PROX1: variants seen among roughly 807,000 people sequenced by gnomAD.
PROX1 encodes the protein prospero homeobox protein 1.
In PROX1, 7 loss-of-function variants were observed where a neutral mutation model predicts 58.8. The ratio of observed to expected loss-of-function variants is 0.12; its 90% CI spans 0.07 to 0.22. The LOEUF is 0.22. Among genes scored for constraint, PROX1 ranks in the 10% least tolerant of loss-of-function variants. PROX1 has a pLI of 1.00. For missense variants in PROX1, 675 were observed against 927.8 expected (o/e 0.73, Z 3.54); for synonymous variants, 350 against 358.3 (o/e 0.98, Z 0.26).
intron 4 of PROX1, among the ~76,000 whole-genome samples, chr1:214,017,776 C>T (rs1342887697): frequency 6.6e-6 from 1 of 152,136 alleles, no homozygotes; most frequent in African/African-American, 2.4e-5. Flanking sequence ...GGCTGTGGTG[C>T]TGGGACAGTG....
At chr1:214,015,647 A>C (rs1664068283) in intron 4 of PROX1, among the ~76,000 whole-genome samples, 1 of 152,086 alleles carries the variant, frequency 6.6e-6, no homozygotes, top group Admixed American at 6.5e-5. Flanking sequence ...GTAACTCACA[A>C]AGGTTAATTG....
At chr1:214,031,846 G>T (rs1243783049) in intron 4 of PROX1, among the ~76,000 whole-genome samples, 1 of 152,132 alleles carries the variant, frequency 6.6e-6, no homozygotes, top group Non-Finnish European at 1.5e-5. Flanking sequence ...ATGTTTCTAT[G>T]TGTGGATGAA....
At chr1:214,001,842 A>C (rs1663523585) in intron 2 of PROX1, among the ~76,000 whole-genome samples, 2 of 151,754 alleles carry the variant, frequency 1.3e-5, no homozygotes, top group Admixed American at 6.6e-5. Flanking sequence ...CCTCCCCTGA[A>C]AAAAATTATA....
At position 214,010,977 on chromosome 1, in the gene PROX1, A is replaced by G. The variant is rs981383819; in HGVS notation, c.1834-544A>G. On this transcript the variant is annotated intron_variant, in intron 3 of 4. Coordinates refer to ENST00000366958, the MANE Select transcript of PROX1 (RefSeq NM_001270616.2). ...TCACAGTTGGATGGACATGGGAATC[A>G]CTCATTGCCAAAAAAATAAGCAAAT... 2.0e-5 allele frequency among the ~76,000 whole-genome samples: 3 copies of G among 152,106 alleles called. No homozygotes were observed. In the South Asian group the frequency reaches 6.2e-4, roughly 31 times the overall value.
chr1:213,997,262 C>A lies in PROX1; in HGVS notation c.727C>A (p.Leu243Met). ...GGAGCGCCGACAGCTGAAACAGCAGCTGGAGGACATGCAGAAACAGCTGCG... is the reference window on the plus strand; with the variant it reads ...GGAGCGCCGACAGCTGAAACAGCAGATGGAGGACATGCAGAAACAGCTGCG... Reference protein sequence around the residue: ...REERRQLKQQLEDMQKQLRQL... With the variant: ...REERRQLKQQMEDMQKQLRQL... Residue 243 changes from leucine (L) to methionine (M), a missense_variant, in exon 2 of 5, where the codon CTG becomes ATG. Around this residue, in one of 8 missense-constraint regions of PROX1, gnomAD observed 403 missense variants for 477.4 expected, o/e 0.84. Coordinates refer to ENST00000366958, the MANE Select transcript of PROX1 (RefSeq NM_001270616.2). The surrounding 1 kb of genome is among the most constrained non-coding windows in gnomAD (Gnocchi z 7.1). 1 of 1,613,566 alleles carries A rather than the reference C, an allele frequency of 6.2e-7. No individual in the cohort carries two copies. Among genetic ancestry groups the A allele is most frequent in the Non-Finnish European group, 8.5e-7 (1 of 1,179,822 alleles).
At position 213,998,030 on chromosome 1, in the gene PROX1, G is replaced by T. The variant is rs766957909; in HGVS notation, c.1495G>T (p.Ala499Ser). 1.2e-6 allele frequency: 2 copies of T among 1,611,098 alleles called. No individual in the cohort carries two copies. The highest frequency in any genetic ancestry group is 1.7e-5 in the Admixed American group (1 of 59,784). Residue 499 changes from alanine (A) to serine (S), a missense_variant, in exon 2 of 5, where the codon GCT becomes TCT. Transcript: ENST00000366958. ...MAYPFQSPLG[A>S]PSGSFSGKDR... ...CTATCCATTTCAGAGCCCATTAGGT[G>T]CTCCCTCCGGCTCCTTCTCTGGAAA...
At position 214,041,477 on chromosome 1, in the gene PROX1, C is replaced by A. The variant is rs1384853738; in HGVS notation, c.*5643C>A. The A allele has an allele frequency of 2.7e-5, 4 of 149,052 alleles. No individual in the cohort carries two copies. The highest frequency in any genetic ancestry group is 7.4e-5 in the African/African-American group (3 of 40,424). The allele number at this position is 149,052 out of a possible 1,614,324, so 9.2% of individuals were successfully genotyped here. A position where few individuals can be genotyped will look rare whatever the true frequency, so the allele number is the denominator to read the frequency against. On this transcript the variant is annotated 3_prime_UTR_variant, in exon 5 of 5. Coordinates refer to ENST00000366958, the MANE Select transcript of PROX1 (RefSeq NM_001270616.2). The stretch of plus-strand genomic sequence containing the variant: ...TTCTCTCTCTGAAACATCTTTCAGG[C>A]TTAACTTTATTTAGCCCTGAAACTT...
At position 213,996,644 on chromosome 1, in the gene PROX1, G is replaced by A. The variant is rs1663272803; in HGVS notation, c.109G>A (p.Ala37Thr). The stretch of plus-strand genomic sequence containing the variant: ...GACAGCATCTGCATTTTTTGCTAAG[G>A]CAAGAGCAACGTTTTTTAGTGCCAT... Reference protein sequence around the residue: ...VGTASAFFAKARATFFSAMNP... With the variant: ...VGTASAFFAKTRATFFSAMNP... The change falls in exon 2 of 5, where the codon GCA becomes ACA. Residue 37 changes from alanine (A) to threonine (T), a missense_variant. Ala to Thr is a moderately conservative substitution (Grantham distance 58, BLOSUM62 0). This residue lies in a region of PROX1 where 157 missense variants were observed against 197.8 expected (regional missense o/e 0.79). Transcript: ENST00000366958. 1.9e-6 allele frequency: 3 copies of A among 1,614,182 alleles called. No individual in the cohort carries two copies. Among genetic ancestry groups the A allele is most frequent in the Non-Finnish European group, 2.5e-6 (3 of 1,180,042 alleles).
rs545285329 is a variant in PROX1 at position 214,001,015 on chromosome 1, CTAT to C, written c.1725+2762_1725+2764del. ...TAATGAAATGGTACAACTGTGATTG[CTAT>C]TATTATGTTTTAATTTTTCGTTCAT... On this transcript the variant is annotated intron_variant, in intron 2 of 4. Coordinates refer to ENST00000366958, the MANE Select transcript of PROX1 (RefSeq NM_001270616.2). Among the ~76,000 whole-genome samples, 92 of 152,074 alleles carry C rather than the reference CTAT, an allele frequency of 6.0e-4. 1 individual carries two copies. Among genetic ancestry groups the C allele is most frequent in the Middle Eastern group, 6.8e-3 (2 of 294 alleles).
At position 214,036,178 on chromosome 1, in the gene PROX1, T is replaced by TCACACTC. The variant is rs1664822714; in HGVS notation, c.*344_*345insCACACTC. The TCACACTC allele has an allele frequency of 5.9e-6, 1 of 168,096 alleles. No individual in the cohort carries two copies. The highest frequency in any genetic ancestry group is 1.3e-5 in the Non-Finnish European group (1 of 78,670). The allele number at this position is 168,096 out of a possible 1,614,324, so 10.4% of individuals were successfully genotyped here. A position where few individuals can be genotyped will look rare whatever the true frequency, so the allele number is the denominator to read the frequency against. Reference sequence around the variant, plus strand: ...GTTAACGATGCATCCACTTGATTGATGACTTATTGCAAATGGCGGTTGGCT... The same window carrying TCACACTC: ...GTTAACGATGCATCCACTTGATTGATCACACTCGACTTATTGCAAATGGCGGTTGGCT... On this transcript the variant is annotated 3_prime_UTR_variant, in exon 5 of 5. Transcript: ENST00000366958.
intron 4 of PROX1, among the ~76,000 whole-genome samples, chr1:214,033,459 G>A (rs777019375): frequency 3.9e-5 from 6 of 152,106 alleles, no homozygotes; most frequent in Non-Finnish European, 8.8e-5. Context: ...TTAGCCAGGC[G>A]TGATGGCACT....
At chr1:213,988,990 C>T (rs1447412541) in intron 1 of PROX1, among the ~76,000 whole-genome samples, 1 of 152,088 alleles carries the variant, frequency 6.6e-6, no homozygotes, top group Non-Finnish European at 1.5e-5. Flanking sequence ...TTCCGATCTC[C>T]CCAGGCTAAA....
At chr1:214,032,395 C>CTTTTTTTTTTTTTTTTTTTT (rs1242482866) in intron 4 of PROX1, among the ~76,000 whole-genome samples, 1 of 145,286 alleles carries the variant, frequency 6.9e-6, no homozygotes, top group Admixed American at 6.9e-5. Context: ...TTTTAAACTT[C>CTTTTTTTTTTTTTTTTTTTT]TTTTTTTTTT....
chr1:214,032,912 C>T (rs1664706502), intron 4 of PROX1, among the ~76,000 whole-genome samples: 1 of 152,176 alleles, frequency 6.6e-6, no homozygotes, highest in Non-Finnish European at 1.5e-5. Context: ...AAACCATTAA[C>T]AAGCATGACG....
intron 1 of PROX1, among the ~76,000 whole-genome samples, chr1:213,995,577 T>TC (rs1558168093): frequency 6.6e-6 from 1 of 152,168 alleles, no homozygotes; most frequent in Non-Finnish European, 1.5e-5. Flanking sequence ...AGAAGGAAAC[T>TC]AGTCCTGAAG....
rs1197557362 is a variant in PROX1 at position 214,040,017 on chromosome 1, T to C, written c.*4183T>C. Reference sequence around the variant, plus strand: ...ATTATAGCGTATTCATTGGTGTGAATAGTACAAATGTTTCCTTCTGGTACA... The same window carrying C: ...ATTATAGCGTATTCATTGGTGTGAACAGTACAAATGTTTCCTTCTGGTACA... On this transcript the variant is annotated 3_prime_UTR_variant, in exon 5 of 5. Coordinates refer to ENST00000366958, the MANE Select transcript of PROX1 (RefSeq NM_001270616.2). 1 of 152,250 alleles carries C rather than the reference T, an allele frequency of 6.6e-6. No homozygotes were observed. Among genetic ancestry groups the C allele is most frequent in the African/African-American group, 2.4e-5 (1 of 41,462 alleles). The allele number at this position is 152,250 out of a possible 1,614,324, so 9.4% of individuals were successfully genotyped here.
Position 214,037,679 on chromosome 1 carries a change from C to T in PROX1, c.*1845C>T, listed in dbSNP as rs1664873247. The stretch of plus-strand genomic sequence containing the variant: ...ACGGGCGGGGGCACCAGCCACCTCA[C>T]TCTGCACCCGCGGCCTCACACATCT... On this transcript the variant is annotated 3_prime_UTR_variant, in exon 5 of 5. Transcript: ENST00000366958. The T allele has an allele frequency of 6.6e-6, 1 of 152,150 alleles. No individual in the cohort carries two copies. Among genetic ancestry groups the T allele is most frequent in the Non-Finnish European group, 1.5e-5 (1 of 68,044 alleles). The allele number at this position is 152,150 out of a possible 1,614,324, so 9.4% of individuals were successfully genotyped here.
chr1:214,012,739 T>C (rs1663957054), intron 4 of PROX1, among the ~76,000 whole-genome samples: 1 of 152,178 alleles, frequency 6.6e-6, no homozygotes, highest in African/African-American at 2.4e-5. Flanking sequence ...TGCTGTGCCA[T>C]CTTGAGGGTA....
intron 4 of PROX1, among the ~76,000 whole-genome samples, chr1:214,027,273 C>T (rs1371180388): frequency 6.6e-6 from 1 of 151,286 alleles, no homozygotes; most frequent in Non-Finnish European, 1.5e-5. Flanking sequence ...CAGAAGAGAG[C>T]AGCTTCCACC....
Sources: gnomAD v4.1 joint callset for allele counts (sites outside exome capture counted in the v4.1 genomes callset) on GRCh38, gnomAD v4.1.1 for gene constraint, gnomAD v4.1.1 regional missense constraint, Gnocchi (gnomAD v3.1) non-coding constraint, MANE v1.5 for transcripts, NCBI Gene and HGNC (gene_info 2026-07-23, HGNC 2026-07-21) for gene names.